The following ZNF468 variants were observed in gnomAD, a reference collection of about 807,000 sequenced individuals.
ZNF468 encodes the protein zinc finger protein ZNF468.
Under a neutral mutation model 7.2 loss-of-function variants are expected in ZNF468, and 8 were observed. The ratio of observed to expected loss-of-function variants is 1.11; its 90% CI spans 0.65 to 2.01. ZNF468 has a LOEUF of 2.01. Among genes scored for constraint, ZNF468 ranks in the 30% most tolerant of loss-of-function variants. The probability of loss-of-function intolerance (pLI) is 0.00; values close to 1 mark genes in which losing one functional copy is unlikely to be tolerated. For synonymous variants in ZNF468, 218 were observed against 214.4 expected, an observed-to-expected ratio of 1.02 and a Z score of -0.15; for missense variants, 608 against 626.5, an observed-to-expected ratio of 0.97 and a Z score of 0.31.
rs1319014775 is a variant in ZNF468, at chr19:52,840,749, C to T, written c.1545G>A (p.Arg515=). ...ATTAAGGCTTCTCTCCACTATGAAG[C>T]CTATGATGGTATACAAGGGATGACA... is the stretch of plus-strand genomic sequence containing the variant. ...SQMSSLVYHH[R]LHSGEKP is the part of the protein sequence containing the mutation. The change falls in exon 4 of 4, where the codon AGG becomes AGA. Residue 515 remains arginine, a synonymous_variant. Transcript: ENST00000595646. 1 of 1,613,402 alleles carries T rather than the reference C, an allele frequency of 6.2e-7. No individual in the cohort carries two copies. Among genetic ancestry groups the T allele is most frequent in the South Asian group, 1.1e-5 (1 of 91,038 alleles).
In ZNF468 at chr19:52,842,081, TG is replaced by T; in HGVS notation, c.212del (p.Thr71LysfsTer43). On this transcript the variant is annotated frameshift_variant, in exon 4 of 4. Coordinates refer to ENST00000595646, the MANE Select transcript of ZNF468 (RefSeq NM_001008801.2). LOFTEE classifies it low-confidence loss of function (END_TRUNC). ...TGQGNTEVIH[T>X]GTLHRQASHH... ...GACTTGCTTGTCTGTGCAATGTCCCTGTGTGGATCACTTCTGTATTGCCTTG... is the reference window on the plus strand; with the variant it reads ...GACTTGCTTGTCTGTGCAATGTCCCTTGTGGATCACTTCTGTATTGCCTTG... 1 of 1,613,696 alleles carries T rather than the reference TG, an allele frequency of 6.2e-7. No homozygotes were observed. The highest frequency in any genetic ancestry group is 1.1e-5 in the South Asian group (1 of 91,030).
Position 52,854,347 on chromosome 19 carries a change from TG to T in ZNF468, c.-73-3del. 2.5e-6 allele frequency: 4 copies of T among 1,607,754 alleles called. No individual in the cohort carries two copies. Among genetic ancestry groups the T allele is most frequent in the Non-Finnish European group, 3.4e-6 (4 of 1,175,092 alleles). ...ACCAACAGTCTTTAGAAGTCAATCC[TG>T]AATGTTAAAAATATGTTGTTTATCA... On this transcript the variant is annotated splice_region_variant and splice_polypyrimidine_tract_variant and intron_variant, in intron 1 of 3. Transcript: ENST00000595646.
chr19:52,852,056 A>G (rs573711125), intron 2 of ZNF468, among the ~76,000 whole-genome samples: 78 of 152,126 alleles, frequency 5.1e-4, no homozygotes, highest in African/African-American at 1.7e-3. Context: ...GTGGGAGGAA[A>G]GAGAGGAGCA....
At chr19:52,853,426 C>T (rs915933553) in intron 2 of ZNF468, among the ~76,000 whole-genome samples, 11 of 152,220 alleles carry the variant, frequency 7.2e-5, no homozygotes, top group Middle Eastern at 3.4e-3. Flanking sequence ...TGATGGCTTG[C>T]GCTTGTAATC....
chr19:52,842,814 C>CAAAAAAAAAAAA (rs60067060), intron 3 of ZNF468, among the ~76,000 whole-genome samples: 11 of 52,946 alleles, frequency 2.1e-4, no homozygotes, highest in African/African-American at 6.8e-4. Flanking sequence ...GACTCCATCT[C>CAAAAAAAAAAAA]AAAAAAAAAA....
At chr19:52,848,561 T>C (rs1292888804) in intron 3 of ZNF468, among the ~76,000 whole-genome samples, 1 of 152,134 alleles carries the variant, frequency 6.6e-6, no homozygotes, top group Non-Finnish European at 1.5e-5. Context: ...GTTTTGTTTT[T>C]GTTTTTTGAG....
intron 3 of ZNF468, among the ~76,000 whole-genome samples, chr19:52,843,773 A>G (rs1353266964): frequency 6.6e-6 from 1 of 152,198 alleles, no homozygotes; most frequent in Non-Finnish European, 1.5e-5. Context: ...AGATGTTAAG[A>G]TCACTACCTT....
At chr19:52,855,144 C>T (rs1235777238) in intron 1 of ZNF468, among the ~76,000 whole-genome samples, 1 of 151,192 alleles carries the variant, frequency 6.6e-6, no homozygotes, top group Non-Finnish European at 1.5e-5. Context: ...CAAGACTGCA[C>T]TCACAGCCCG....
chr19:52,850,287 C>A (rs746759759), intron 2 of ZNF468, among the ~76,000 whole-genome samples: 2 of 152,074 alleles, frequency 1.3e-5, no homozygotes, highest in African/African-American at 2.4e-5. Flanking sequence ...ATCCTAGAAG[C>A]AGTAATCACC....
intron 3 of ZNF468, among the ~76,000 whole-genome samples, chr19:52,845,950 C>G (rs1263281360): frequency 6.8e-6 from 1 of 147,600 alleles, no homozygotes. Flanking sequence ...TTGGAGTGAG[C>G]TGAGATCGCA....
chr19:52,841,401 G>A lies in ZNF468; in HGVS notation c.893C>T (p.Pro298Leu). ...TTTGTCACATTCTTCACATTCATAAGGTTTCTCTCCAGTATGAAGCGCTTT... is the reference window on the plus strand; with the variant it reads ...TTTGTCACATTCTTCACATTCATAAAGTTTCTCTCCAGTATGAAGCGCTTT... ...IHKALHTGEK[P>L]YECEECDKVF... The change falls in exon 4 of 4, where the codon CCT becomes CTT. Residue 298 changes from proline (P) to leucine (L), a missense_variant. Physicochemically the swap from Pro to Leu is moderately conservative, Grantham distance 98. Transcript: ENST00000595646. 1 of 1,614,038 alleles carries A rather than the reference G, an allele frequency of 6.2e-7. No homozygotes were observed. Among genetic ancestry groups the A allele is most frequent in the Non-Finnish European group, 8.5e-7 (1 of 1,180,006 alleles).
Position 52,838,962 on chromosome 19 carries a change from C to T in ZNF468, c.*1763G>A, listed in dbSNP as rs1265890707. ...TCTCTATAACTTTTTGTTAAAGAAA[C>T]AAAAAACAGGCCAGGCACAGTGGCT... On this transcript the variant is annotated 3_prime_UTR_variant, in exon 4 of 4. Coordinates refer to ENST00000595646, the MANE Select transcript of ZNF468 (RefSeq NM_001008801.2). The T allele has an allele frequency of 6.6e-6, 1 of 151,938 alleles. No homozygotes were observed. Among genetic ancestry groups the T allele is most frequent in the African/African-American group, 2.4e-5 (1 of 41,352 alleles). The allele number at this position is 151,938 out of a possible 1,614,324, so 9.4% of individuals were successfully genotyped here.
Position 52,841,393 on chromosome 19 carries a change from A to T in ZNF468, c.901T>A (p.Cys301Ser). 2 of 1,614,074 alleles carry T rather than the reference A, an allele frequency of 1.2e-6. No homozygotes were observed. Among genetic ancestry groups the T allele is most frequent in the Non-Finnish European group, 1.7e-6 (2 of 1,179,994 alleles). The change falls in exon 4 of 4, where the codon TGT (cysteine) becomes AGT (serine). Residue 301 changes from cysteine to serine, a missense_variant. Transcript: ENST00000595646. ...CTGAAAACTTTGTCACATTCTTCAC[A>T]TTCATAAGGTTTCTCTCCAGTATGA... is the stretch of plus-strand genomic sequence containing the variant. ...ALHTGEKPYECEECDKVFSRK... is the reference protein window; with the variant it reads ...ALHTGEKPYESEECDKVFSRK...
chr19:52,853,403 G>C (rs2063406918), intron 2 of ZNF468, among the ~76,000 whole-genome samples: 1 of 152,118 alleles, frequency 6.6e-6, no homozygotes, highest in South Asian at 2.1e-4. Context: ...ATAATAACTG[G>C]TGGGGCTGGG....
rs2063269446 is a variant in ZNF468, at chr19:52,838,795, A to T, written c.*1930T>A. On this transcript the variant is annotated 3_prime_UTR_variant, in exon 4 of 4. Transcript: ENST00000595646. ...AATAAACATAAAAAGTGAGGTTTGT[A>T]CCTTGAAATCTATAAACATTGATCA... is the stretch of plus-strand genomic sequence containing the variant. 6.6e-6 allele frequency: 1 copy of T among 152,274 alleles called. No homozygotes were observed. The highest frequency in any genetic ancestry group is 2.1e-4 in the South Asian group (1 of 4,836). The allele number at this position is 152,274 out of a possible 1,614,324, so 9.4% of individuals were successfully genotyped here.
intron 3 of ZNF468, among the ~76,000 whole-genome samples, chr19:52,844,603 A>G (rs1444939404): frequency 6.6e-6 from 1 of 151,964 alleles, no homozygotes; most frequent in Non-Finnish European, 1.5e-5. Context: ...CAGTGGCATG[A>G]TCTTGGCTCA....
intron 2 of ZNF468, chr19:52,849,516 C>T: frequency 2.5e-6 from 1 of 405,210 alleles, no homozygotes; most frequent in Non-Finnish European, 4.2e-6. Context: ...ATAGACACAC[C>T]AAGTGACATT....
intron 1 of ZNF468, among the ~76,000 whole-genome samples, chr19:52,855,906 C>T (rs568372182): frequency 2.0e-5 from 3 of 152,370 alleles, no homozygotes; most frequent in South Asian, 4.1e-4. Context: ...AACATTTTCA[C>T]GAAGTTACCC....
chr19:52,856,279 G>A (rs1158134774), intron 1 of ZNF468, among the ~76,000 whole-genome samples: 1 of 152,010 alleles, frequency 6.6e-6, no homozygotes, highest in African/African-American at 2.4e-5. Flanking sequence ...CCAGCACTTT[G>A]GGAGGTGGAG....
Sources: allele counts gnomAD v4.1 joint callset (sites outside exome capture counted in the v4.1 genomes callset), GRCh38; gene constraint gnomAD v4.1.1; transcripts MANE v1.5; gene names NCBI Gene and HGNC (gene_info 2026-07-23, HGNC 2026-07-21).